The following PCDHA4 variants were observed in gnomAD, a reference collection of about 807,000 sequenced individuals.
The protein encoded by PCDHA4 is protocadherin alpha-4.
PCDHA4 carries 49 observed loss-of-function variants against 61.4 expected under a neutral mutation model. The ratio of observed to expected loss-of-function variants is 0.80; its 90% CI spans 0.63 to 1.01. PCDHA4 has a LOEUF of 1.01. Ranked by LOEUF, PCDHA4 falls within the 50% of genes least tolerant of loss-of-function variation. The pLI, the probability that PCDHA4 is intolerant of heterozygous loss-of-function variation, is 0.00. For synonymous variants in PCDHA4, 590 were observed against 550.3 expected (o/e 1.07, Z -1.01); for missense variants, 1,254 against 1,235.8 (o/e 1.01, Z -0.22).
At chr5:140,853,090 A>T in intron 1 of PCDHA4, 2 of 331,170 alleles carry the variant, frequency 6.0e-6, no homozygotes, top group Non-Finnish European at 8.8e-6. Flanking sequence ...CGTGTTAGTC[A>T]GGATGGTCTC....
intron 1 of PCDHA4, chr5:140,834,564 C>A: frequency 6.2e-7 from 1 of 1,614,090 alleles, no homozygotes; most frequent in Non-Finnish European, 8.5e-7. Context: ...GGAGCTGGTG[C>A]CGCGCCTGTT....
intron 1 of PCDHA4, chr5:140,822,043 G>C (rs1318041408): frequency 1.9e-6 from 3 of 1,614,200 alleles, no homozygotes; most frequent in Non-Finnish European, 2.5e-6. Flanking sequence ...TTCTCGGATC[G>C]ACCGGGAGGA....
Position 140,807,797 on chromosome 5 carries a change from G to C in PCDHA4, c.610G>C (p.Glu204Gln). 1 of 1,614,150 alleles carries C rather than the reference G, an allele frequency of 6.2e-7. No individual in the cohort carries two copies. Among genetic ancestry groups the C allele is most frequent in the Non-Finnish European group, 8.5e-7 (1 of 1,180,040 alleles). Residue 204 changes from glutamate (E) to glutamine (Q), a missense_variant, in exon 1 of 4, where the codon GAA (glutamate) becomes CAA (glutamine). Glu to Gln is a conservative substitution (Grantham distance 29). Coordinates refer to ENST00000530339, the MANE Select transcript of PCDHA4 (RefSeq NM_018907.4). ...ATTACGGAAATCTTTAGACAGAGAAGAAGCTCCGGAGATTTTTTTAGTGCT... is the reference window on the plus strand; with the variant it reads ...ATTACGGAAATCTTTAGACAGAGAACAAGCTCCGGAGATTTTTTTAGTGCT... ...LILRKSLDRE[E>Q]APEIFLVLTA...
At chr5:140,985,783 A>G (rs1587112463) in intron 3 of PCDHA4, among the ~76,000 whole-genome samples, 1 of 125,324 alleles carries the variant, frequency 8.0e-6, no homozygotes, top group Non-Finnish European at 1.6e-5. Context: ...TCTGTCGCCC[A>G]GGCTGGAGTG....
Position 140,929,404 on chromosome 5 carries a change from G to A in PCDHA4, c.2386-49545G>A, listed in dbSNP as rs530409256. 1.4e-5 allele frequency: 21 copies of A among 1,506,596 alleles called. No individual in the cohort carries two copies. The South Asian group carries it at 1.9e-4, about 14-fold the overall frequency. The allele number at this position is 1,506,596 out of a possible 1,614,324, so 93.3% of individuals were successfully genotyped here. A position where few individuals can be genotyped will look rare whatever the true frequency, so the allele number is the denominator to read the frequency against. ...GTGTTTTGAAATATTTCTTAGACAAGCCTTTCACAACATTTCATCAATTGA... is the reference window on the plus strand; with the variant it reads ...GTGTTTTGAAATATTTCTTAGACAAACCTTTCACAACATTTCATCAATTGA... On this transcript the variant is annotated intron_variant, in intron 1 of 3. Coordinates refer to ENST00000530339, the MANE Select transcript of PCDHA4 (RefSeq NM_018907.4).
At chr5:140,898,677 T>C (rs1197350501) in intron 1 of PCDHA4, among the ~76,000 whole-genome samples, 2 of 152,222 alleles carry the variant, frequency 1.3e-5, no homozygotes, top group Non-Finnish European at 2.9e-5. Flanking sequence ...TTGCGGGCTG[T>C]TTTTTGGTTC....
At chr5:140,845,285 A>G (rs1237210455) in intron 1 of PCDHA4, among the ~76,000 whole-genome samples, 1 of 149,314 alleles carries the variant, frequency 6.7e-6, no homozygotes, top group East Asian at 1.9e-4. Context: ...AATATTTCCT[A>G]TCCTGTCTAT....
At chr5:140,987,560 G>A (rs2097259227) in intron 3 of PCDHA4, among the ~76,000 whole-genome samples, 36 of 152,130 alleles carry the variant, frequency 2.4e-4, no homozygotes, top group Admixed American at 2.4e-3. Flanking sequence ...CTGATTCTCA[G>A]TTTCTTTCTC....
chr5:140,872,756 A>G (rs987230878), intron 1 of PCDHA4, among the ~76,000 whole-genome samples: 1 of 152,342 alleles, frequency 6.6e-6, no homozygotes, highest in East Asian at 1.9e-4. Context: ...AAAGACATGC[A>G]TATAGGGCTA....
intron 3 of PCDHA4, 146 bp downstream of exon 3, chr5:140,982,709 A>G (rs2096998107): frequency 2.2e-6 from 3 of 1,375,182 alleles, no homozygotes; most frequent in Admixed American, 2.9e-5. Flanking sequence ...ATTTCCTTAC[A>G]TATATGATTA....
At chr5:140,921,777 C>G (rs1434211783) in intron 1 of PCDHA4, among the ~76,000 whole-genome samples, 1 of 152,030 alleles carries the variant, frequency 6.6e-6, no homozygotes, top group Non-Finnish European at 1.5e-5. Flanking sequence ...TCAATACTGA[C>G]TTGGATGTTC....
intron 3 of PCDHA4, among the ~76,000 whole-genome samples, chr5:140,998,057 A>G (rs2097795221): frequency 1.3e-5 from 2 of 152,294 alleles, no homozygotes; most frequent in South Asian, 4.1e-4. Flanking sequence ...TGACATCATC[A>G]TCAACAGACT....
intron 1 of PCDHA4, among the ~76,000 whole-genome samples, chr5:140,818,642 G>C (rs2150101838): frequency 0.058 from 8,885 of 152,208 alleles, 858 homozygotes; most frequent in African/African-American, 0.2. Context: ...TTCAAGATGA[G>C]CCTGAGCAAT....
rs1476746131 is a variant in PCDHA4, at chr5:140,870,515, G to A, written c.2385+60943G>A. 8.7e-6 allele frequency: 14 copies of A among 1,614,236 alleles called. No homozygotes were observed. Among genetic ancestry groups the A allele is most frequent in the Non-Finnish European group, 1.1e-5 (13 of 1,180,048 alleles). On this transcript the variant is annotated intron_variant, in intron 1 of 3. Transcript: ENST00000530339. The stretch of plus-strand genomic sequence containing the variant: ...GTGAAGGAGAACAACCCACCAGGCT[G>A]CCACATCTTCACAGTGTCGGCGCGG...
intron 1 of PCDHA4, chr5:140,834,255 C>A: frequency 2.1e-6 from 2 of 936,844 alleles, no homozygotes; most frequent in Non-Finnish European, 3.2e-6. Context: ...TGGAAAGACG[C>A]TCCACTCTCT....
chr5:140,823,050 C>A, intron 1 of PCDHA4: 2 of 1,614,184 alleles, frequency 1.2e-6, no homozygotes, highest in Non-Finnish European at 1.7e-6. Context: ...TGGTGGTGAC[C>A]GCGCGGGACG....
intron 3 of PCDHA4, among the ~76,000 whole-genome samples, chr5:140,987,129 G>A (rs1281954011): frequency 1.3e-5 from 2 of 151,758 alleles, no homozygotes; most frequent in African/African-American, 4.8e-5. Flanking sequence ...CAGGAGAATT[G>A]CTTGAACTCG....
intron 1 of PCDHA4, among the ~76,000 whole-genome samples, chr5:140,932,700 A>G (rs1584752908): frequency 6.6e-6 from 1 of 151,992 alleles, no homozygotes; most frequent in East Asian, 1.9e-4. Flanking sequence ...AAAAACTCAT[A>G]TAGACAACAC....
In PCDHA4 at chr5:140,985,515, T is replaced by G. The variant is rs529024123; in HGVS notation, c.2533+2952T>G. The stretch of plus-strand genomic sequence containing the variant: ...AGAGCCTGCCTTTCATTGATTCTGT[T>G]GCCCTTAAAGCTTCACGGTGAAGAT... On this transcript the variant is annotated intron_variant, in intron 3 of 3. Transcript: ENST00000530339. Among the ~76,000 whole-genome samples, 8 of 152,284 alleles carry G rather than the reference T, an allele frequency of 5.3e-5. No individual in the cohort carries two copies. In the South Asian group the frequency reaches 1.7e-3, roughly 32 times the overall value.
Sources: allele counts gnomAD v4.1 joint callset (sites outside exome capture counted in the v4.1 genomes callset), GRCh38; gene constraint gnomAD v4.1.1; transcripts MANE v1.5; gene names NCBI Gene and HGNC (gene_info 2026-07-23, HGNC 2026-07-21).